The following SLC35F3 variants were observed in gnomAD, a reference collection of about 807,000 sequenced individuals.
The protein encoded by SLC35F3 is putative thiamine transporter SLC35F3.
A neutral mutation model predicts 49.9 loss-of-function variants in SLC35F3; 25 were observed. The observed-to-expected ratio is 0.50, with a 90% confidence interval of 0.37 to 0.70. The LOEUF is 0.70. Among genes scored for constraint, SLC35F3 ranks in the 30% least tolerant of loss-of-function variants. SLC35F3 has a pLI of 0.00. For synonymous variants in SLC35F3, 275 were observed against 265.4 expected, an observed-to-expected ratio of 1.04 and a Z score of -0.35; for missense variants, 525 against 639.8, an observed-to-expected ratio of 0.82 and a Z score of 1.94.
rs142728525 is a variant in SLC35F3, at chr1:234,096,511, A to G, written c.284-134906A>G. Reference sequence around the variant, plus strand: ...GCTACAAAGAATGTAGTCCATCTCTATCTTGACAGGTTTGCCTCTCTCCAC... The same window carrying G: ...GCTACAAAGAATGTAGTCCATCTCTGTCTTGACAGGTTTGCCTCTCTCCAC... On this transcript the variant is annotated intron_variant, in intron 2 of 7. Transcript: ENST00000366618. 4.5e-3 allele frequency among the ~76,000 whole-genome samples: 679 copies of G among 152,304 alleles called. 7 individuals are homozygous for G. Among genetic ancestry groups the G allele is most frequent in the African/African-American group, 0.015 (628 of 41,550 alleles).
intron 3 of SLC35F3, among the ~76,000 whole-genome samples, chr1:234,243,588 T>C (rs1572111711): frequency 1.3e-5 from 2 of 152,182 alleles, no homozygotes; most frequent in South Asian, 4.1e-4. Context: ...TTTTAGAGGA[T>C]GTAGGAGGTG....
chr1:234,153,979 G>A (rs1302468355), intron 2 of SLC35F3, among the ~76,000 whole-genome samples: 2 of 151,740 alleles, frequency 1.3e-5, no homozygotes, highest in Admixed American at 6.6e-5. Context: ...AGGAGAAGGC[G>A]TGAACCCAGG....
At chr1:234,144,174 T>A (rs1275081219) in intron 2 of SLC35F3, among the ~76,000 whole-genome samples, 1 of 152,186 alleles carries the variant, frequency 6.6e-6, no homozygotes, top group African/African-American at 2.4e-5. Flanking sequence ...GCTTCCTGTG[T>A]ACTAAATACC....
At chr1:234,146,250 C>T (rs1665992929) in intron 2 of SLC35F3, among the ~76,000 whole-genome samples, 1 of 152,066 alleles carries the variant, frequency 6.6e-6, no homozygotes, top group African/African-American at 2.4e-5. Context: ...ATAACTATCA[C>T]TAAACTTAGA....
At chr1:233,938,963 G>A (rs1437439764) in intron 2 of SLC35F3, among the ~76,000 whole-genome samples, 1 of 152,118 alleles carries the variant, frequency 6.6e-6, no homozygotes, top group Non-Finnish European at 1.5e-5. Context: ...TAGATTACTG[G>A]GTCCCTAAGC....
At chr1:234,249,483 G>C (rs1667701722) in intron 3 of SLC35F3, among the ~76,000 whole-genome samples, 1 of 152,106 alleles carries the variant, frequency 6.6e-6, no homozygotes, top group South Asian at 2.1e-4. Context: ...CACATTTGGT[G>C]GGCATGTCGG....
intron 2 of SLC35F3, among the ~76,000 whole-genome samples, chr1:233,986,232 A>G (rs1663264425): frequency 6.6e-6 from 1 of 152,188 alleles, no homozygotes; most frequent in African/African-American, 2.4e-5. Context: ...TTTTTATAAA[A>G]TAATACATGT....
chr1:234,231,762 G>T lies in SLC35F3; in HGVS notation c.608+21G>T. ...TACAGGTAGGCGCGTCCTGCATGAG[G>T]AGGCCTCCTGACCCCGGGCTGCTCC... On this transcript the variant is annotated intron_variant, in intron 3 of 7. Coordinates refer to ENST00000366618, the MANE Select transcript of SLC35F3 (RefSeq NM_173508.4). The surrounding 1 kb of genome is among the most constrained non-coding windows in gnomAD (Gnocchi z 5.4). The T allele has an allele frequency of 2.5e-6, 4 of 1,575,496 alleles. No homozygotes were observed. The highest frequency in any genetic ancestry group is 3.5e-6 in the Non-Finnish European group (4 of 1,157,102).
At position 233,936,686 on chromosome 1, in the gene SLC35F3, C is replaced by T. The variant is rs527874756; in HGVS notation, c.283+30928C>T. ...TTCCCCTTCTTCTTTTTCTCCATCT[C>T]CTTCTCCTTCTTCTTTTTTTGAGAC... On this transcript the variant is annotated intron_variant, in intron 2 of 7. Transcript: ENST00000366618. Among the ~76,000 whole-genome samples, 4 of 151,802 alleles carry T rather than the reference C, an allele frequency of 2.6e-5. No homozygotes were observed. The East Asian group carries it at 7.8e-4, about 29-fold the overall frequency.
At chr1:234,160,838 G>A (rs1291342868) in intron 2 of SLC35F3, among the ~76,000 whole-genome samples, 1 of 152,212 alleles carries the variant, frequency 6.6e-6, no homozygotes, top group Non-Finnish European at 1.5e-5. Flanking sequence ...ATGCATATTG[G>A]ACACACATCA....
chr1:234,026,274 AT>A (rs1484774646), intron 2 of SLC35F3, among the ~76,000 whole-genome samples: 1 of 152,096 alleles, frequency 6.6e-6, no homozygotes. Flanking sequence ...TGTTTTGGCT[AT>A]TTGGGCTCTT....
chr1:234,314,379 G>A (rs1304986960), intron 4 of SLC35F3, among the ~76,000 whole-genome samples: 1 of 152,188 alleles, frequency 6.6e-6, no homozygotes, highest in Non-Finnish European at 1.5e-5. Flanking sequence ...TGCCCTGCAA[G>A]TCTTCAGAAA....
intron 2 of SLC35F3, among the ~76,000 whole-genome samples, chr1:234,060,604 G>A (rs1664525855): frequency 6.6e-6 from 1 of 151,992 alleles, no homozygotes; most frequent in Non-Finnish European, 1.5e-5. Flanking sequence ...ATGCCACCAT[G>A]CCTGGCTAAT....
intron 2 of SLC35F3, among the ~76,000 whole-genome samples, chr1:234,164,615 T>C (rs565406225): frequency 6.6e-6 from 1 of 152,240 alleles, no homozygotes; most frequent in African/African-American, 2.4e-5. Context: ...TTGTTGTTTT[T>C]ACCTTCTTGT....
intron 3 of SLC35F3, among the ~76,000 whole-genome samples, chr1:234,240,931 G>C (rs1667545805): frequency 6.6e-6 from 1 of 152,194 alleles, no homozygotes; most frequent in Non-Finnish European, 1.5e-5. Context: ...ACTTATCATT[G>C]TCATGACCTT....
chr1:233,974,087 C>T (rs1156398242), intron 2 of SLC35F3, among the ~76,000 whole-genome samples: 2 of 150,404 alleles, frequency 1.3e-5, no homozygotes, highest in East Asian at 2.0e-4. Context: ...ATGTTCTTTT[C>T]GTTCCCTGAA....
chr1:234,287,909 TAG>T (rs1668448137), intron 3 of SLC35F3, among the ~76,000 whole-genome samples: 2 of 152,134 alleles, frequency 1.3e-5, no homozygotes, highest in Admixed American at 6.5e-5. Flanking sequence ...TTTAGAGAGG[TAG>T]AGTCTTGCTT....
chr1:234,138,203 A>C (rs1274831856), intron 2 of SLC35F3, among the ~76,000 whole-genome samples: 1 of 152,206 alleles, frequency 6.6e-6, no homozygotes, highest in Admixed American at 6.5e-5. Flanking sequence ...GGTTAAAATA[A>C]ATTGCATATT....
intron 2 of SLC35F3, among the ~76,000 whole-genome samples, chr1:233,995,490 G>A (rs927053406): frequency 6.6e-6 from 1 of 152,152 alleles, no homozygotes; most frequent in African/African-American, 2.4e-5. Flanking sequence ...GAAGTGTTAA[G>A]GATGCCTGAT....
Sources: allele counts gnomAD v4.1 joint callset (sites outside exome capture counted in the v4.1 genomes callset), GRCh38; gene constraint gnomAD v4.1.1; non-coding constraint Gnocchi (gnomAD v3.1); transcripts MANE v1.5; gene names NCBI Gene and HGNC (gene_info 2026-07-23, HGNC 2026-07-21).